Variants in FLRT3 observed in about 807,000 individuals in gnomAD.
The protein encoded by FLRT3 is fibronectin leucine rich transmembrane protein 3.
A neutral mutation model predicts 42.6 loss-of-function variants in FLRT3; 17 were observed. That is an observed-to-expected ratio of 0.40 (90% CI 0.27 to 0.60). The LOEUF (loss-of-function observed/expected upper bound fraction) is 0.60. Ranked by LOEUF, FLRT3 falls within the 20% of genes least tolerant of loss-of-function variation. The pLI, the probability that FLRT3 is intolerant of heterozygous loss-of-function variation, is 0.44. For missense variants in FLRT3, 635 were observed against 789.2 expected (o/e 0.80, Z 2.34); for synonymous variants, 279 against 286.4 (o/e 0.97, Z 0.26).
Position 14,326,138 on chromosome 20 carries a change from C to A in FLRT3, c.1369G>T (p.Val457Leu), listed in dbSNP as rs944647386. ...PAFGSITETI[V>L]TGERSEYLVT... The stretch of plus-strand genomic sequence containing the variant: ...AAGTACTCACTGCGTTCCCCTGTTA[C>A]AATTGTTTCTGTTATAGATCCAAAT... The change falls in exon 3 of 3, where the codon GTA becomes TTA. Residue 457 changes from valine to leucine, a missense_variant. Physicochemically the swap from Val to Leu is conservative, Grantham distance 32. Transcript: ENST00000341420. This position sits in a 1 kb window ranked among gnomAD's most constrained non-coding sequence, Gnocchi z 5.5. 3.1e-6 allele frequency: 5 copies of A among 1,613,770 alleles called. No homozygotes were observed. Among genetic ancestry groups the A allele is most frequent in the African/African-American group, 2.7e-5 (2 of 74,916 alleles).
rs1015599098 is a variant in FLRT3 at position 14,323,132 on chromosome 20, A to T, written c.*2425T>A. The T allele has an allele frequency of 6.6e-6, 1 of 152,138 alleles. No homozygotes were observed. The highest frequency in any genetic ancestry group is 6.6e-5 in the Admixed American group (1 of 15,264). 9.4% of individuals were successfully genotyped at this position (152,138 alleles called of 1,614,324 possible). A position where few individuals can be genotyped will look rare whatever the true frequency, so the allele number is the denominator to read the frequency against. ...TGTCCTCCAATTCAGTTTAATCCCA[A>T]CACTGTCTACCTGGAAATTGTGTCA... is the stretch of plus-strand genomic sequence containing the variant. On this transcript the variant is annotated 3_prime_UTR_variant, in exon 3 of 3. Coordinates refer to ENST00000341420, the MANE Select transcript of FLRT3 (RefSeq NM_198391.3).
At chr20:14,331,882 A>G (rs912232506) in intron 1 of FLRT3, among the ~76,000 whole-genome samples, 1 of 152,052 alleles carries the variant, frequency 6.6e-6, no homozygotes, top group Admixed American at 6.6e-5. Flanking sequence ...TGGCATGGAC[A>G]CTGTGGCCAG....
Position 14,333,708 on chromosome 20 carries a change from A to G in FLRT3, c.-247+3696T>C, listed in dbSNP as rs150277233. Among the ~76,000 whole-genome samples the G allele has an allele frequency of 1.8e-3, 270 of 152,308 alleles. 1 individual carries two copies. Among genetic ancestry groups the G allele is most frequent in the African/African-American group, 6.4e-3 (264 of 41,568 alleles). Reference sequence around the variant, plus strand: ...TTCCATACAGTAGTTCAGCAAATACATTTATTTTAGTCTACTGTGTGGCAA... The same window carrying G: ...TTCCATACAGTAGTTCAGCAAATACGTTTATTTTAGTCTACTGTGTGGCAA... On this transcript the variant is annotated intron_variant, in intron 1 of 2. Coordinates refer to ENST00000341420, the MANE Select transcript of FLRT3 (RefSeq NM_198391.3).
chr20:14,326,481 C>T lies in FLRT3; in HGVS notation c.1026G>A (p.Gly342=), dbSNP rs1249079714. The T allele has an allele frequency of 1.9e-6, 3 of 1,613,894 alleles. No homozygotes were observed. The Admixed American group carries it at 5.0e-5, about 27-fold the overall frequency. The change falls in exon 3 of 3, where the codon GGG becomes GGA. Residue 342 remains glycine, a synonymous_variant. Coordinates refer to ENST00000341420, the MANE Select transcript of FLRT3 (RefSeq NM_198391.3). This position sits in a 1 kb window ranked among gnomAD's most constrained non-coding sequence, Gnocchi z 5.5. ...CTGCATTGAGATCCTTAATAGCCAT[C>T]CCACGAACCTTTTCTGGGGCTTGGC... ...LMCQAPEKVR[G]MAIKDLNAEL... is the part of the protein sequence containing the mutation.
Position 14,327,228 on chromosome 20 carries a change from G to C in FLRT3, c.279C>G (p.Asn93Lys). ...LKVERIYLYH[N>K]SLDEFPTNLP... Reference sequence around the variant, plus strand: ...GGTTGGTAGGAAATTCATCTAAACTGTTGTGGTATAGGTATATTCTTTCTA... The same window carrying C: ...GGTTGGTAGGAAATTCATCTAAACTCTTGTGGTATAGGTATATTCTTTCTA... Residue 93 changes from asparagine (N) to lysine (K), a missense_variant, in exon 3 of 3, where the codon AAC becomes AAG. Coordinates refer to ENST00000341420, the MANE Select transcript of FLRT3 (RefSeq NM_198391.3). 6.2e-7 allele frequency: 1 copy of C among 1,613,702 alleles called. No individual in the cohort carries two copies. The highest frequency in any genetic ancestry group is 8.5e-7 in the Non-Finnish European group (1 of 1,179,738).
At chr20:14,332,708 C>T (rs1000453776) in intron 1 of FLRT3, among the ~76,000 whole-genome samples, 3 of 151,996 alleles carry the variant, frequency 2.0e-5, no homozygotes, top group Middle Eastern at 3.2e-3. Flanking sequence ...AACTTTTAAT[C>T]CAAGTTAGTT....
chr20:14,336,090 G>A (rs977312695), intron 1 of FLRT3, among the ~76,000 whole-genome samples: 8 of 152,078 alleles, frequency 5.3e-5, no homozygotes, highest in African/African-American at 1.4e-4. Flanking sequence ...CTGAATATAA[G>A]CAAATTTATT....
At position 14,326,625 on chromosome 20, in the gene FLRT3, C is replaced by T. The variant is rs1402721931; in HGVS notation, c.882G>A (p.Leu294=). Residue 294 remains leucine, a synonymous_variant, in exon 3 of 3, where the codon TTG becomes TTA. Coordinates refer to ENST00000341420, the MANE Select transcript of FLRT3 (RefSeq NM_198391.3). This position sits in a 1 kb window ranked among gnomAD's most constrained non-coding sequence, Gnocchi z 5.5. The part of the protein sequence containing the change: ...SNLPQGIFDD[L]DNITQLILRN... The stretch of plus-strand genomic sequence containing the variant: ...GAAGAATCAGTTGTGTTATATTGTC[C>T]AAATCATCAAAGATACCCTGAGGTA... 1.9e-6 allele frequency: 3 copies of T among 1,613,646 alleles called. No homozygotes were observed. In the African/African-American group the frequency reaches 4.0e-5, roughly 22 times the overall value.
In FLRT3 at chr20:14,325,744, T is replaced by A. The variant is rs2082721944; in HGVS notation, c.1763A>T (p.Glu588Val). ...AGTKKDNSIL[E>V]IRETSFQMLP... The stretch of plus-strand genomic sequence containing the variant: ...CATCTGAAAAGAAGTTTCCCTGATT[T>A]CCAGGATAGAGTTGTCCTTCTTAGT... The change falls in exon 3 of 3, where the codon GAA (glutamate) becomes GTA (valine). Residue 588 changes from glutamate to valine, a missense_variant. By Grantham distance (121) the Glu-to-Val change is moderately radical. Transcript: ENST00000341420. 1 of 1,613,818 alleles carries A rather than the reference T, an allele frequency of 6.2e-7. No individual in the cohort carries two copies.
Position 14,326,382 on chromosome 20 carries a change from A to G in FLRT3, c.1125T>C (p.Tyr375=), listed in dbSNP as rs188277793. 3.1e-6 allele frequency: 5 copies of G among 1,613,822 alleles called. No homozygotes were observed. Among genetic ancestry groups the G allele is most frequent in the Non-Finnish European group, 2.5e-6 (3 of 1,179,900 alleles). The change falls in exon 3 of 3, where the codon TAT becomes TAC. Residue 375 remains tyrosine, a synonymous_variant. Transcript: ENST00000341420. The surrounding 1 kb of genome is among the most constrained non-coding windows in gnomAD (Gnocchi z 5.5). ...QITTAIPNTV[Y]PAQGQWPAPV... ...GAGCTGGCCACTGTCCTTGGGCAGG[A>G]TACACTGTGTTGGGTATTGCAGTGG...
intron 1 of FLRT3, among the ~76,000 whole-genome samples, chr20:14,336,417 C>G (rs1568565304): frequency 6.6e-6 from 1 of 152,112 alleles, no homozygotes; most frequent in Non-Finnish European, 1.5e-5. Flanking sequence ...CTGTTGCACT[C>G]TTTACCTATA....
At chr20:14,332,371 C>A (rs760354036) in intron 1 of FLRT3, among the ~76,000 whole-genome samples, 3 of 151,960 alleles carry the variant, frequency 2.0e-5, no homozygotes, top group African/African-American at 2.4e-5. Context: ...CAAGAGCTTG[C>A]GGCAATCTAC....
In FLRT3 at chr20:14,327,573, G is replaced by A; in HGVS notation, c.-52-15C>T. 1 of 1,485,750 alleles carries A rather than the reference G, an allele frequency of 6.7e-7. No homozygotes were observed. The highest frequency in any genetic ancestry group is 9.0e-7 in the Non-Finnish European group (1 of 1,111,720). 92.0% of individuals were successfully genotyped at this position (1,485,750 alleles called of 1,614,324 possible). On this transcript the variant is annotated splice_polypyrimidine_tract_variant and intron_variant, in intron 2 of 2. Transcript: ENST00000341420. ...ACTTCAGAACCCTAAAATGAAGTGA[G>A]TAAAAAAAGACAGAAAACAATAAGG...
At chr20:14,336,852 G>T (rs934135794) in intron 1 of FLRT3, among the ~76,000 whole-genome samples, 20 of 152,188 alleles carry the variant, frequency 1.3e-4, no homozygotes, top group African/African-American at 4.8e-4. Flanking sequence ...GCTCAGGCAC[G>T]ATAGCAGTGC....
In FLRT3 at chr20:14,324,817, A is replaced by C. The variant is rs1227762442; in HGVS notation, c.*740T>G. 1 of 152,182 alleles carries C rather than the reference A, an allele frequency of 6.6e-6. No homozygotes were observed. Among genetic ancestry groups the C allele is most frequent in the African/African-American group, 2.4e-5 (1 of 41,450 alleles). 9.4% of individuals were successfully genotyped at this position (152,182 alleles called of 1,614,324 possible). On this transcript the variant is annotated 3_prime_UTR_variant, in exon 3 of 3. Coordinates refer to ENST00000341420, the MANE Select transcript of FLRT3 (RefSeq NM_198391.3). Reference sequence around the variant, plus strand: ...CCCCCCAACTTGGAAGCACATTTACATTACCGTTTTTGTGAAGTCCTTTAT... The same window carrying C: ...CCCCCCAACTTGGAAGCACATTTACCTTACCGTTTTTGTGAAGTCCTTTAT...
At position 14,326,661 on chromosome 20, in the gene FLRT3, G is replaced by C. The variant is rs139715667; in HGVS notation, c.846C>G (p.Asn282Lys). 3 of 1,613,590 alleles carry C rather than the reference G, an allele frequency of 1.9e-6. No individual in the cohort carries two copies. The African/African-American group carries it at 4.0e-5, about 22-fold the overall frequency. The change falls in exon 3 of 3, where the codon AAC becomes AAG. Residue 282 changes from asparagine to lysine, a missense_variant. By Grantham distance (94) the Asn-to-Lys change is moderately conservative (BLOSUM62 0). Transcript: ENST00000341420. This position sits in a 1 kb window ranked among gnomAD's most constrained non-coding sequence, Gnocchi z 5.5. ...QLYRLDMSNN[N>K]LSNLPQGIFD... ...AGATACCCTGAGGTAAATTACTTAG[G>C]TTATTATTGGACATATCCAGTCGAT...
rs1045557679 is a variant in FLRT3, at chr20:14,323,379, G to A, written c.*2178C>T. 6.6e-6 allele frequency: 1 copy of A among 152,122 alleles called. No homozygotes were observed. The highest frequency in any genetic ancestry group is 2.4e-5 in the African/African-American group (1 of 41,432). 9.4% of individuals were successfully genotyped at this position (152,122 alleles called of 1,614,324 possible). A position where few individuals can be genotyped will look rare whatever the true frequency, so the allele number is the denominator to read the frequency against. Reference sequence around the variant, plus strand: ...GGAAACATAAGGTGAGGTCTAGGTGGGCACAGAGCTTCCATGCCCTCTCCA... The same window carrying A: ...GGAAACATAAGGTGAGGTCTAGGTGAGCACAGAGCTTCCATGCCCTCTCCA... On this transcript the variant is annotated 3_prime_UTR_variant, in exon 3 of 3. Coordinates refer to ENST00000341420, the MANE Select transcript of FLRT3 (RefSeq NM_198391.3).
Position 14,325,863 on chromosome 20 carries a change from C to A in FLRT3, c.1644G>T (p.Val548=), listed in dbSNP as rs751124703. The change falls in exon 3 of 3, where the codon GTG becomes GTT. Residue 548 remains valine (V), a synonymous_variant. Coordinates refer to ENST00000341420, the MANE Select transcript of FLRT3 (RefSeq NM_198391.3). ...ALVTIALLAL[V]CWYVHRNGSL... Reference sequence around the variant, plus strand: ...ATCCATTCCTATGAACATACCAACACACTAAAGCAAGAAGGGCAATGGTAA... The same window carrying A: ...ATCCATTCCTATGAACATACCAACAAACTAAAGCAAGAAGGGCAATGGTAA... The A allele has an allele frequency of 6.2e-7, 1 of 1,613,942 alleles. No homozygotes were observed. Among genetic ancestry groups the A allele is most frequent in the East Asian group, 2.2e-5 (1 of 44,868 alleles).
In FLRT3 at chr20:14,324,908, C is replaced by G. The variant is rs2082709342; in HGVS notation, c.*649G>C. On this transcript the variant is annotated 3_prime_UTR_variant, in exon 3 of 3. Coordinates refer to ENST00000341420, the MANE Select transcript of FLRT3 (RefSeq NM_198391.3). Reference sequence around the variant, plus strand: ...CTCCTTTTATGCCAGCTGATGTATTCAGTTCAGAAGATATGCTTAACTTTT... The same window carrying G: ...CTCCTTTTATGCCAGCTGATGTATTGAGTTCAGAAGATATGCTTAACTTTT... The G allele has an allele frequency of 6.6e-6, 1 of 152,460 alleles. No homozygotes were observed. The highest frequency in any genetic ancestry group is 6.6e-5 in the Admixed American group (1 of 15,254). The allele number at this position is 152,460 out of a possible 1,614,324, so 9.4% of individuals were successfully genotyped here. A position where few individuals can be genotyped will look rare whatever the true frequency, so the allele number is the denominator to read the frequency against.
Sources: gnomAD v4.1 joint callset for allele counts (sites outside exome capture counted in the v4.1 genomes callset) on GRCh38, gnomAD v4.1.1 for gene constraint, Gnocchi (gnomAD v3.1) non-coding constraint, MANE v1.5 for transcripts, NCBI Gene and HGNC (gene_info 2026-07-23, HGNC 2026-07-21) for gene names.